Variants in KRCC1 observed in about 807,000 individuals in gnomAD.
KRCC1 encodes the protein lysine-rich coiled-coil protein 1.
Under a neutral mutation model 7.4 loss-of-function variants are expected in KRCC1, and 3 were observed. That is an observed-to-expected ratio of 0.40 (90% CI 0.18 to 1.04). The LOEUF is 1.04. Among genes scored for constraint, KRCC1 ranks in the 50% least tolerant of loss-of-function variants. KRCC1 has a pLI of 0.33. For synonymous variants in KRCC1, 102 were observed against 101.6 expected (o/e 1.00, Z -0.02); for missense variants, 277 against 300.9 (o/e 0.92, Z 0.59).
At position 88,050,201 on chromosome 2, in the gene KRCC1, C is replaced by T. The variant is rs527463813; in HGVS notation, c.-291+5425G>A. Among the ~76,000 whole-genome samples the T allele has an allele frequency of 4.6e-5, 7 of 152,254 alleles. No homozygotes were observed. The South Asian group carries it at 1.2e-3, about 27-fold the overall frequency. On this transcript the variant is annotated intron_variant, in intron 1 of 3. Coordinates refer to ENST00000347055, the MANE Select transcript of KRCC1 (RefSeq NM_016618.3). ...CTTTATGTTGTTTAACTTGAGTCTC[C>T]GCTTAATATCATGGAAACAAACGAA...
In KRCC1 at chr2:88,028,535, G is replaced by T. The variant is rs745906878; in HGVS notation, c.29C>A (p.Ser10Tyr). The T allele has an allele frequency of 1.2e-6, 2 of 1,610,508 alleles. No homozygotes were observed. The highest frequency in any genetic ancestry group is 1.7e-6 in the Non-Finnish European group (2 of 1,178,378). Residue 10 changes from serine to tyrosine, a missense_variant, in exon 4 of 4, where the codon TCT (serine) becomes TAT (tyrosine). By Grantham distance (144) the Ser-to-Tyr change is moderately radical. Coordinates refer to ENST00000347055, the MANE Select transcript of KRCC1 (RefSeq NM_016618.3). ...ATAATCTTCAAGTTCATCTTGAAAA[G>T]AGTCATATGTCTTCTTTGAATGCTT... The part of the protein sequence containing the change: MKHSKKTYD[S>Y]FQDELEDYIK...
intron 1 of KRCC1, among the ~76,000 whole-genome samples, chr2:88,045,743 G>C (rs1156247885): frequency 6.6e-6 from 1 of 152,014 alleles, no homozygotes; most frequent in Non-Finnish European, 1.5e-5. Flanking sequence ...GAGTGTAGTG[G>C]TGCAATCTTG....
chr2:88,045,513 G>A (rs1422637267), intron 1 of KRCC1, among the ~76,000 whole-genome samples: 1 of 152,150 alleles, frequency 6.6e-6, no homozygotes, highest in East Asian at 1.9e-4. Context: ...TTCTAGAAAT[G>A]CAAACTAATC....
At chr2:88,040,559 A>G (rs377083829) in intron 1 of KRCC1, among the ~76,000 whole-genome samples, 5 of 152,184 alleles carry the variant, frequency 3.3e-5, no homozygotes, top group African/African-American at 1.2e-4. Flanking sequence ...AATTTCTCAT[A>G]AAGATTAGGA....
chr2:88,044,552 A>C (rs1351974054), intron 1 of KRCC1, among the ~76,000 whole-genome samples: 2 of 152,230 alleles, frequency 1.3e-5, no homozygotes, highest in Non-Finnish European at 2.9e-5. Context: ...AAAGGGCAAA[A>C]GGTCTGAACA....
intron 1 of KRCC1, among the ~76,000 whole-genome samples, chr2:88,039,148 A>AG (rs70958934): frequency 0.9 from 137,372 of 152,188 alleles, 62,396 homozygotes; most frequent in East Asian, 1. Flanking sequence ...AAATTGGGTC[A>AG]AAAATGAGTA....
chr2:88,035,580 G>A (rs191349338), intron 2 of KRCC1, among the ~76,000 whole-genome samples: 3 of 152,002 alleles, frequency 2.0e-5, no homozygotes, highest in Non-Finnish European at 4.4e-5. Context: ...ATGAGACAAG[G>A]AATAAACTGT....
chr2:88,040,963 A>G (rs187954868), intron 1 of KRCC1, among the ~76,000 whole-genome samples: 2 of 152,352 alleles, frequency 1.3e-5, no homozygotes, highest in East Asian at 3.9e-4. Flanking sequence ...TTTAGATAAA[A>G]CAAGACATGC....
In KRCC1 at chr2:88,027,739, A is replaced by G; in HGVS notation, c.*45T>C. On this transcript the variant is annotated 3_prime_UTR_variant, in exon 4 of 4. Coordinates refer to ENST00000347055, the MANE Select transcript of KRCC1 (RefSeq NM_016618.3). Reference sequence around the variant, plus strand: ...ACGGATATCATAAAACCAAGCTCTCACCTATTTTTTCAATTTAACTTTGGG... The same window carrying G: ...ACGGATATCATAAAACCAAGCTCTCGCCTATTTTTTCAATTTAACTTTGGG... 6.6e-7 allele frequency: 1 copy of G among 1,509,848 alleles called. No homozygotes were observed. The highest frequency in any genetic ancestry group is 8.9e-7 in the Non-Finnish European group (1 of 1,125,906). 93.5% of individuals were successfully genotyped at this position (1,509,848 alleles called of 1,614,324 possible).
At chr2:88,051,357 G>T (rs1558837921) in intron 1 of KRCC1, among the ~76,000 whole-genome samples, 1 of 152,142 alleles carries the variant, frequency 6.6e-6, no homozygotes, top group Non-Finnish European at 1.5e-5. Flanking sequence ...GGTCCTATCG[G>T]AATTTTGAAA....
Position 88,032,682 on chromosome 2 carries a change from TCAAA to T in KRCC1, c.-23+1448_-23+1451del, listed in dbSNP as rs1465465087. Among the ~76,000 whole-genome samples the T allele has an allele frequency of 1.3e-5, 2 of 152,050 alleles. 1 individual carries two copies. The highest frequency in any genetic ancestry group is 2.9e-5 in the Non-Finnish European group (2 of 68,006). On this transcript the variant is annotated intron_variant, in intron 3 of 3. Transcript: ENST00000347055. ...TCAATCAACAGGTGAATGGATTAAA[TCAAA>T]CAGTGGTATAACGATACAATGAAAT... is the stretch of plus-strand genomic sequence containing the variant.
At chr2:88,045,571 G>A (rs1437876531) in intron 1 of KRCC1, among the ~76,000 whole-genome samples, 1 of 152,102 alleles carries the variant, frequency 6.6e-6, no homozygotes, top group African/African-American at 2.4e-5. Flanking sequence ...AGAGGTAGAG[G>A]GGCGAATGGA....
intron 3 of KRCC1, among the ~76,000 whole-genome samples, chr2:88,033,909 C>T (rs1673043490): frequency 1.3e-5 from 2 of 152,132 alleles, no homozygotes; most frequent in Admixed American, 1.3e-4. Context: ...CTATTCATTA[C>T]AACTAAAAAG....
Position 88,027,517 on chromosome 2 carries a change from CAAAGCAATTTGATGAATA to C in KRCC1, c.*249_*266del. 2.9e-6 allele frequency: 1 copy of C among 345,056 alleles called. No individual in the cohort carries two copies. The allele number at this position is 345,056 out of a possible 1,614,324, so 21.4% of individuals were successfully genotyped here. On this transcript the variant is annotated 3_prime_UTR_variant, in exon 4 of 4. Coordinates refer to ENST00000347055, the MANE Select transcript of KRCC1 (RefSeq NM_016618.3). ...TCCCAACAGAAAATATTTCCACCAT[CAAAGCAATTTGATGAATA>C]AAAGCAGAGTCACTTTCATTAAAGG...
chr2:88,047,888 T>A (rs1408662157), intron 1 of KRCC1, among the ~76,000 whole-genome samples: 1 of 152,184 alleles, frequency 6.6e-6, no homozygotes, highest in African/African-American at 2.4e-5. Flanking sequence ...AAAAATTTTA[T>A]GAGCAAAATT....
Position 88,028,642 on chromosome 2 carries a change from C to CTT in KRCC1, c.-22-58_-22-57insAA, listed in dbSNP as rs1419047999. On this transcript the variant is annotated intron_variant, in intron 3 of 3. Transcript: ENST00000347055. ...CATCTTGTCCTGAGCATTTCCTTTG[C>CTT]TCTTTTTTTTTTTTTTTTTTTTCTT... The CTT allele has an allele frequency of 1.1e-3, 727 of 680,464 alleles. 3 individuals carry two copies. The East Asian group carries it at 0.014, about 13-fold the overall frequency. 42.2% of individuals were successfully genotyped at this position (680,464 alleles called of 1,614,324 possible).
At chr2:88,028,644 C>CT (rs35917852) in intron 3 of KRCC1, 59 bp from the exon 4 acceptor site, 62,336 of 493,082 alleles carry the variant, frequency 0.13, 1,083 homozygotes, top group African/African-American at 0.19. Flanking sequence ...TTCCTTTGCT[C>CT]TTTTTTTTTT....
intron 1 of KRCC1, among the ~76,000 whole-genome samples, chr2:88,037,891 CT>C (rs1673125056): frequency 6.6e-6 from 1 of 152,188 alleles, no homozygotes; most frequent in Non-Finnish European, 1.5e-5. Flanking sequence ...GCCAAAATTA[CT>C]ACGTTTACAC....
rs988712931 is a variant in KRCC1 at position 88,027,211 on chromosome 2, T to C, written c.*573A>G. 6.6e-6 allele frequency: 1 copy of C among 152,216 alleles called. No individual in the cohort carries two copies. Among genetic ancestry groups the C allele is most frequent in the Non-Finnish European group, 1.5e-5 (1 of 68,062 alleles). 9.4% of individuals were successfully genotyped at this position (152,216 alleles called of 1,614,324 possible). ...ACTGACACACAACAACATGTAGAAA[T>C]TAGAATACTTTATTATAAATATTTT... On this transcript the variant is annotated 3_prime_UTR_variant, in exon 4 of 4. Coordinates refer to ENST00000347055, the MANE Select transcript of KRCC1 (RefSeq NM_016618.3).
Sources: gnomAD v4.1 joint callset for allele counts (sites outside exome capture counted in the v4.1 genomes callset) on GRCh38, gnomAD v4.1.1 for gene constraint, MANE v1.5 for transcripts, NCBI Gene and HGNC (gene_info 2026-07-23, HGNC 2026-07-21) for gene names.